Variants in ROBO1 observed in about 807,000 individuals in gnomAD.
ROBO1 encodes the protein roundabout homolog 1.
Under a neutral mutation model 195.9 loss-of-function variants are expected in ROBO1, and 149 were observed. The observed-to-expected ratio is 0.76, with a 90% CI of 0.67 to 0.87. The LOEUF (loss-of-function observed/expected upper bound fraction) is 0.87. ROBO1 is among the 40% of genes least tolerant of loss of function. ROBO1 has a pLI of 0.00. For missense variants in ROBO1, 1,933 were observed against 2,068.3 expected, an observed-to-expected ratio of 0.93 and a Z score of 1.27; for synonymous variants, 816 against 733.2, an observed-to-expected ratio of 1.11 and a Z score of -1.82.
At position 78,696,751 on chromosome 3, in the gene ROBO1, C is replaced by CAT. The variant is rs200883654; in HGVS notation, c.1046-7981_1046-7980dup. 8.5e-3 allele frequency among the ~76,000 whole-genome samples: 1,229 copies of CAT among 144,788 alleles called. 6 individuals are homozygous for CAT. Among genetic ancestry groups the CAT allele is most frequent in the Middle Eastern group, 0.03 (8 of 270 alleles). 95.0% of individuals were successfully genotyped at this position (144,788 alleles called of 152,430 possible). On this transcript the variant is annotated intron_variant, in intron 8 of 30. Transcript: ENST00000464233. ...ATGTATATATACATATATATATACA[C>CAT]ATATATATATATAAACTGGTTTTAA...
At chr3:79,068,036 G>A (rs930845109) in intron 3 of ROBO1, among the ~76,000 whole-genome samples, 3 of 151,942 alleles carry the variant, frequency 2.0e-5, no homozygotes, top group Non-Finnish European at 2.9e-5. Flanking sequence ...GAGCATGTGT[G>A]AATGAGAAAG....
At chr3:79,470,762 ATG>A (rs1452117540) in intron 2 of ROBO1, among the ~76,000 whole-genome samples, 1 of 152,056 alleles carries the variant, frequency 6.6e-6, no homozygotes, top group Non-Finnish European at 1.5e-5. Context: ...ACCATGAAAG[ATG>A]TGACTTTGCT....
At chr3:79,324,111 C>T (rs371281628) in intron 2 of ROBO1, among the ~76,000 whole-genome samples, 5 of 152,024 alleles carry the variant, frequency 3.3e-5, no homozygotes, top group East Asian at 3.9e-4. Flanking sequence ...ACTAAAAATC[C>T]GGACACCCAT....
chr3:78,816,691 A>C (rs1355890199), intron 4 of ROBO1, among the ~76,000 whole-genome samples: 1 of 152,190 alleles, frequency 6.6e-6, no homozygotes, highest in Non-Finnish European at 1.5e-5. Flanking sequence ...TGAGGGGCTT[A>C]AGACTTCAGT....
At chr3:79,337,459 TTCTC>T (rs1404343975) in intron 2 of ROBO1, among the ~76,000 whole-genome samples, 6 of 152,168 alleles carry the variant, frequency 3.9e-5, no homozygotes, top group Non-Finnish European at 7.3e-5. Flanking sequence ...TGGCCCTCAC[TTCTC>T]TCTCCTGCCA....
At chr3:79,687,606 G>A (rs1050162557) in intron 1 of ROBO1, among the ~76,000 whole-genome samples, 1 of 152,028 alleles carries the variant, frequency 6.6e-6, no homozygotes, top group Non-Finnish European at 1.5e-5. Flanking sequence ...GCATCCAACA[G>A]ACACATGAAA....
chr3:79,170,508 G>T (rs1484116844), intron 2 of ROBO1, among the ~76,000 whole-genome samples: 2 of 152,082 alleles, frequency 1.3e-5, no homozygotes, highest in African/African-American at 2.4e-5. Context: ...AGGAAAATAT[G>T]TGAAATGTTC....
chr3:78,599,961 T>C, intron 30 of ROBO1, 152 bp downstream of exon 30: 1 of 702,228 alleles, frequency 1.4e-6, no homozygotes, highest in Non-Finnish European at 2.5e-6. Context: ...AATTCTCAAA[T>C]TCTCAGAACT....
chr3:79,662,904 T>C (rs1411126233), intron 1 of ROBO1, among the ~76,000 whole-genome samples: 1 of 151,996 alleles, frequency 6.6e-6, no homozygotes, highest in African/African-American at 2.4e-5. Flanking sequence ...CAAGGTCTTT[T>C]GACAGAACTG....
At chr3:78,754,058 T>C (rs779296547) in intron 4 of ROBO1, among the ~76,000 whole-genome samples, 13 of 152,204 alleles carry the variant, frequency 8.5e-5, no homozygotes, top group Non-Finnish European at 1.5e-4. Flanking sequence ...TTCTGTGATT[T>C]TAACAGGTAC....
intron 2 of ROBO1, among the ~76,000 whole-genome samples, chr3:79,292,838 T>A (rs945553644): frequency 2.6e-5 from 4 of 152,180 alleles, no homozygotes; most frequent in African/African-American, 9.7e-5. Context: ...TGAAATTTCC[T>A]TTTTTTGTTG....
At chr3:79,563,738 A>T (rs539766408) in intron 2 of ROBO1, among the ~76,000 whole-genome samples, 1 of 152,196 alleles carries the variant, frequency 6.6e-6, no homozygotes, top group Admixed American at 6.6e-5. Context: ...AAATTTAGAC[A>T]ATTTTACATA....
intron 10 of ROBO1, among the ~76,000 whole-genome samples, chr3:78,675,694 C>T (rs1180893089): frequency 6.6e-6 from 1 of 152,160 alleles, no homozygotes; most frequent in Non-Finnish European, 1.5e-5. Flanking sequence ...GTGGAGCCCA[C>T]CACAGCTCAA....
chr3:78,732,001 T>C (rs2082296707), intron 5 of ROBO1, among the ~76,000 whole-genome samples: 2 of 152,100 alleles, frequency 1.3e-5, no homozygotes, highest in Non-Finnish European at 2.9e-5. Flanking sequence ...CATTGTTACA[T>C]GCATTATTTT....
chr3:78,717,228 T>C (rs1053415451), intron 7 of ROBO1, 47 bp downstream of exon 7: 9 of 1,511,764 alleles, frequency 6.0e-6, no homozygotes, highest in African/African-American at 1.4e-5. Flanking sequence ...ATGAGAAACG[T>C]AGAAATGCTG....
chr3:79,707,197 T>G (rs1947798331), intron 1 of ROBO1, among the ~76,000 whole-genome samples: 1 of 152,160 alleles, frequency 6.6e-6, no homozygotes, highest in South Asian at 2.1e-4. Context: ...CTATACTGAT[T>G]GATTCTTTCT....
chr3:79,003,550 C>A (rs570341976), intron 3 of ROBO1, among the ~76,000 whole-genome samples: 2 of 152,036 alleles, frequency 1.3e-5, no homozygotes, highest in African/African-American at 4.8e-5. Context: ...CACAGTAACC[C>A]CATCAAGTAG....
chr3:78,931,624 T>A lies in ROBO1; in HGVS notation c.499+6977A>T, dbSNP rs117528671. 1.2e-3 allele frequency among the ~76,000 whole-genome samples: 188 copies of A among 152,234 alleles called. 1 individual carries two copies. In the East Asian group the frequency reaches 0.027, roughly 22 times the overall value. On this transcript the variant is annotated intron_variant, in intron 4 of 30. Coordinates refer to ENST00000464233, the MANE Select transcript of ROBO1 (RefSeq NM_002941.4). ...TATCCACCAAGGGTATTTAACCATG[T>A]TTTATTCTAACCTGACAAATCTATG...
chr3:79,557,131 A>G (rs1942731585), intron 2 of ROBO1, among the ~76,000 whole-genome samples: 1 of 151,580 alleles, frequency 6.6e-6, no homozygotes, highest in Non-Finnish European at 1.5e-5. Flanking sequence ...GTTGAGTTTA[A>G]GCCATTTTAT....
Sources: allele counts gnomAD v4.1 joint callset (sites outside exome capture counted in the v4.1 genomes callset), GRCh38; gene constraint gnomAD v4.1.1; transcripts MANE v1.5; gene names NCBI Gene and HGNC (gene_info 2026-07-23, HGNC 2026-07-21).